The following PADI4 variants were observed in gnomAD, a reference collection of about 807,000 sequenced individuals.
PADI4 encodes the protein peptidyl arginine deiminase 4, also known as protein-arginine deiminase type-4.
Under a neutral mutation model 75.0 loss-of-function variants are expected in PADI4, and 62 were observed. The observed-to-expected ratio is 0.83, with a 90% CI of 0.67 to 1.02. The LOEUF is 1.02. Among genes scored for constraint, PADI4 ranks in the 50% least tolerant of loss-of-function variants. The pLI is 0.00. For synonymous variants in PADI4, 361 were observed against 348.1 expected (o/e 1.04, Z -0.41); for missense variants, 845 against 850.5 (o/e 0.99, Z 0.08).
chr1:17,309,727 G>A (rs947195073), intron 1 of PADI4, among the ~76,000 whole-genome samples: 1 of 152,242 alleles, frequency 6.6e-6, no homozygotes, highest in African/African-American at 2.4e-5. Flanking sequence ...AGAACAGCAG[G>A]AAATGTCGGG....
chr1:17,310,837 A>G (rs1460331210), intron 1 of PADI4, among the ~76,000 whole-genome samples: 1 of 152,042 alleles, frequency 6.6e-6, no homozygotes, highest in Non-Finnish European at 1.5e-5. Flanking sequence ...AATGGCTCAC[A>G]TCTGTAATCC....
chr1:17,346,421 G>T lies in PADI4; in HGVS notation c.1047+282G>T, dbSNP rs890713663. On this transcript the variant is annotated intron_variant, in intron 9 of 15. Coordinates refer to ENST00000375448, the MANE Select transcript of PADI4 (RefSeq NM_012387.3). The surrounding 1 kb of genome is among the most constrained non-coding windows in gnomAD (Gnocchi z 4.3). ...TCAGGAAATGATGTGAAGCTCAGGA[G>T]ATTGGTGCTCAACCAGCCCCTCAAG... 1.1e-4 allele frequency among the ~76,000 whole-genome samples: 17 copies of T among 152,284 alleles called. No homozygotes were observed. The highest frequency in any genetic ancestry group is 1.3e-4 in the Non-Finnish European group (9 of 68,010).
intron 8 of PADI4, among the ~76,000 whole-genome samples, chr1:17,343,286 C>A (rs1253047625): frequency 6.6e-6 from 1 of 152,186 alleles, no homozygotes; most frequent in Non-Finnish European, 1.5e-5. Context: ...GCTGCTGGGT[C>A]TTATCCCTGA....
intron 1 of PADI4, among the ~76,000 whole-genome samples, chr1:17,308,782 C>T (rs1309730822): frequency 3.3e-5 from 5 of 151,988 alleles, no homozygotes; most frequent in African/African-American, 1.2e-4. Context: ...GGCTCTGTGG[C>T]GGCAGAGACT....
chr1:17,355,538 C>CAAA (rs11364408), intron 11 of PADI4, among the ~76,000 whole-genome samples: 1 of 134,762 alleles, frequency 7.4e-6, no homozygotes, highest in Admixed American at 7.5e-5. Flanking sequence ...GACTCTGTCT[C>CAAA]AAAAAAAAAA....
Position 17,339,825 on chromosome 1 carries a change from C to A in PADI4, c.652+12C>A. On this transcript the variant is annotated intron_variant, in intron 6 of 15. Transcript: ENST00000375448. ...GTTTCAGGCCACACGTAAGTCATCCCCATCTTTGTTCCCCTCCTGCCCTGG... is the reference window on the plus strand; with the variant it reads ...GTTTCAGGCCACACGTAAGTCATCCACATCTTTGTTCCCCTCCTGCCCTGG... The A allele has an allele frequency of 6.3e-7, 1 of 1,592,016 alleles. No individual in the cohort carries two copies. Among genetic ancestry groups the A allele is most frequent in the Non-Finnish European group, 8.6e-7 (1 of 1,168,466 alleles).
Position 17,356,455 on chromosome 1 carries a change from C to G in PADI4, c.1554C>G (p.Ile518Met), listed in dbSNP as rs2074762270. The G allele has an allele frequency of 6.3e-7, 1 of 1,593,536 alleles. No homozygotes were observed. Among genetic ancestry groups the G allele is most frequent in the Admixed American group, 1.7e-5 (1 of 59,730 alleles). Residue 518 changes from isoleucine (I) to methionine (M), a missense_variant, in exon 13 of 16, where the codon ATC (isoleucine) becomes ATG (methionine). Transcript: ENST00000375448. This position sits in a 1 kb window ranked among gnomAD's most constrained non-coding sequence, Gnocchi z 4.1. ...GHGEALLFEGIKKKKQQKIKN... is the reference protein window; with the variant it reads ...GHGEALLFEGMKKKKQQKIKN... ...GGGAGGCCCTGCTGTTCGAAGGGAT[C>G]AAGAGTAAGTCGGCCCTGCCTTGTT...
chr1:17,359,484 G>A lies in PADI4; in HGVS notation c.1758+76G>A, dbSNP rs74058735. The A allele has an allele frequency of 3.2e-3, 5,153 of 1,598,388 alleles. 132 individuals are homozygous for A. In the African/African-American group the frequency reaches 0.06, roughly 19 times the overall value. The stretch of plus-strand genomic sequence containing the variant: ...AGCCCGAGAGGCCAGTGGGGCACCC[G>A]GGCGGTCCCAGAGGGCTTGGCTCCT... On this transcript the variant is annotated intron_variant, in intron 15 of 15. Transcript: ENST00000375448.
At chr1:17,340,686 G>T (rs1469651196) in intron 6 of PADI4, among the ~76,000 whole-genome samples, 1 of 151,856 alleles carries the variant, frequency 6.6e-6, no homozygotes, top group African/African-American at 2.4e-5. Flanking sequence ...TATTGACTTT[G>T]GCTTCTGGAT....
intron 5 of PADI4, among the ~76,000 whole-genome samples, chr1:17,338,769 G>T (rs898628780): frequency 6.6e-6 from 1 of 152,224 alleles, no homozygotes; most frequent in African/African-American, 2.4e-5. Flanking sequence ...TGCTAAGGGG[G>T]TGGCTCCGGG....
At position 17,339,576 on chromosome 1, in the gene PADI4, A is replaced by G. The variant is rs2074376892; in HGVS notation, c.527-112A>G. On this transcript the variant is annotated intron_variant, in intron 5 of 15. Transcript: ENST00000375448. The stretch of plus-strand genomic sequence containing the variant: ...GAAAACCAGGCAACATGGTAAAGGG[A>G]GGTCTCAGGGGAGCGGTGGGGTGTG... 2.2e-5 allele frequency: 22 copies of G among 1,014,396 alleles called. No homozygotes were observed. In the South Asian group the frequency reaches 2.9e-4, roughly 14 times the overall value. The allele number at this position is 1,014,396 out of a possible 1,614,324, so 62.8% of individuals were successfully genotyped here.
At chr1:17,309,734 C>T (rs1367411679) in intron 1 of PADI4, among the ~76,000 whole-genome samples, 3 of 152,272 alleles carry the variant, frequency 2.0e-5, no homozygotes, top group African/African-American at 4.8e-5. Flanking sequence ...CAGGAAATGT[C>T]GGGATGGTCT....
chr1:17,353,372 C>T (rs2074700860), intron 10 of PADI4, among the ~76,000 whole-genome samples: 1 of 152,014 alleles, frequency 6.6e-6, no homozygotes, highest in Admixed American at 6.6e-5. Context: ...GCGGCTGAGA[C>T]GGGACCGTGA....
chr1:17,315,405 TATA>T (rs1361434928), intron 1 of PADI4, among the ~76,000 whole-genome samples: 2 of 152,184 alleles, frequency 1.3e-5, no homozygotes, highest in African/African-American at 2.4e-5. Context: ...TTGCATCCCC[TATA>T]ATGTGTGGGA....
chr1:17,343,518 T>C (rs1001215442), intron 8 of PADI4, among the ~76,000 whole-genome samples: 13 of 152,182 alleles, frequency 8.5e-5, no homozygotes, highest in African/African-American at 2.9e-4. Context: ...CCTTGAACAG[T>C]GAACTCATAT....
chr1:17,321,325 G>A (rs577254868), intron 1 of PADI4, among the ~76,000 whole-genome samples: 52 of 152,290 alleles, frequency 3.4e-4, no homozygotes, highest in African/African-American at 1.1e-3. Flanking sequence ...AGAGCAGCAC[G>A]GGGGACCACT....
rs1307538500 is a variant in PADI4 at position 17,346,638 on chromosome 1, C to T, written c.1047+499C>T. On this transcript the variant is annotated intron_variant, in intron 9 of 15. Coordinates refer to ENST00000375448, the MANE Select transcript of PADI4 (RefSeq NM_012387.3). The surrounding 1 kb of genome is among the most constrained non-coding windows in gnomAD (Gnocchi z 4.3). ...ACACATGATTACCAGTCTCTGTTTC[C>T]GTGCCACTCCCCCATCATGCCAGGA... 5.3e-5 allele frequency among the ~76,000 whole-genome samples: 8 copies of T among 152,142 alleles called. No individual in the cohort carries two copies. Among genetic ancestry groups the T allele is most frequent in the Admixed American group, 1.3e-4 (2 of 15,272 alleles).
chr1:17,351,392 A>G (rs2074617237), intron 10 of PADI4, among the ~76,000 whole-genome samples: 1 of 150,540 alleles, frequency 6.6e-6, no homozygotes, highest in African/African-American at 2.4e-5. Flanking sequence ...GGAGTTCGAG[A>G]CCAGCCTAGG....
chr1:17,357,079 T>C (rs1325036075), intron 13 of PADI4, among the ~76,000 whole-genome samples: 5 of 152,174 alleles, frequency 3.3e-5, no homozygotes, highest in Non-Finnish European at 1.5e-5. Flanking sequence ...GATAAGATAA[T>C]TTAGCGTTAA....
Sources: gnomAD v4.1 joint callset for allele counts (sites outside exome capture counted in the v4.1 genomes callset) on GRCh38, gnomAD v4.1.1 for gene constraint, Gnocchi (gnomAD v3.1) non-coding constraint, MANE v1.5 for transcripts, NCBI Gene and HGNC (gene_info 2026-07-23, HGNC 2026-07-21) for gene names.